SETD2: variants seen among roughly 807,000 people sequenced by gnomAD.
SETD2 encodes the protein histone-lysine N-methyltransferase SETD2.
In SETD2, 31 loss-of-function variants were observed where a neutral mutation model predicts 242.1. The ratio of observed to expected loss-of-function variants is 0.13; its 90% CI spans 0.10 to 0.17. SETD2 has a LOEUF of 0.17. SETD2 is among the 10% of genes least tolerant of loss of function. The pLI, the probability that SETD2 is intolerant of heterozygous loss-of-function variation, is 1.00. For missense variants in SETD2, 2,481 were observed against 3,046.3 expected (o/e 0.81, Z 4.37); for synonymous variants, 1,006 against 1,066.5 (o/e 0.94, Z 1.11).
intron 9 of SETD2, among the ~76,000 whole-genome samples, chr3:47,093,792 C>T (rs2041900332): frequency 6.6e-6 from 1 of 152,130 alleles, no homozygotes; most frequent in South Asian, 2.1e-4. Context: ...CCCTCACCAA[C>T]AGTGTATGAG....
chr3:47,019,896 G>A (rs931378363), intron 18 of SETD2, 56 bp from the exon 19 acceptor site: 1 of 1,411,308 alleles, frequency 7.1e-7, no homozygotes, highest in South Asian at 1.2e-5. Flanking sequence ...GTTTAGTGAT[G>A]CCCTACTGTC....
chr3:47,045,839 G>A (rs59137078), intron 16 of SETD2, among the ~76,000 whole-genome samples: 1 of 145,182 alleles, frequency 6.9e-6, no homozygotes, highest in Non-Finnish European at 1.5e-5. Context: ...GCAGTGGCGC[G>A]ATCTTAGCTC....
At chr3:47,033,652 A>ATTTTTTTTT (rs34978514) in intron 18 of SETD2, among the ~76,000 whole-genome samples, 1 of 90,858 alleles carries the variant, frequency 1.1e-5, no homozygotes. Flanking sequence ...TCATGGTTTG[A>ATTTTTTTTT]TTTTTTTTTT....
chr3:47,125,544 G>A (rs1181883792), intron 2 of SETD2, among the ~76,000 whole-genome samples: 2 of 152,106 alleles, frequency 1.3e-5, no homozygotes, highest in Non-Finnish European at 2.9e-5. Flanking sequence ...TGATACAGAG[G>A]AACTTCCCAC....
intron 9 of SETD2, among the ~76,000 whole-genome samples, chr3:47,097,173 T>C (rs1156701908): frequency 6.6e-6 from 1 of 152,188 alleles, no homozygotes; most frequent in African/African-American, 2.4e-5. Flanking sequence ...GGGAATTTGC[T>C]GACTAACACC....
intron 1 of SETD2, among the ~76,000 whole-genome samples, chr3:47,160,433 T>C (rs980865953): frequency 6.6e-6 from 1 of 151,880 alleles, no homozygotes; most frequent in East Asian, 1.9e-4. Flanking sequence ...CCCGAGTAGC[T>C]GGGATTACAG....
At chr3:47,103,949 C>T (rs576040327) in intron 6 of SETD2, among the ~76,000 whole-genome samples, 2 of 152,322 alleles carry the variant, frequency 1.3e-5, no homozygotes, top group Non-Finnish European at 2.9e-5. Flanking sequence ...ACATCCTAAT[C>T]TCACTGCATG....
intron 1 of SETD2, among the ~76,000 whole-genome samples, chr3:47,143,437 C>CACT (rs1265961653): frequency 2.6e-5 from 4 of 152,224 alleles, no homozygotes; most frequent in Non-Finnish European, 1.5e-5. Flanking sequence ...TAGGATAAGG[C>CACT]ACTACAGTGC....
chr3:47,017,576 T>TTC lies in SETD2; in HGVS notation c.7533+61_7533+62insGA. 1 of 1,191,908 alleles carries TTC rather than the reference T, an allele frequency of 8.4e-7. No individual in the cohort carries two copies. Among genetic ancestry groups the TTC allele is most frequent in the South Asian group, 1.2e-5 (1 of 80,974 alleles). The allele number at this position is 1,191,908 out of a possible 1,614,324, so 73.8% of individuals were successfully genotyped here. A position where few individuals can be genotyped will look rare whatever the true frequency, so the allele number is the denominator to read the frequency against. ...TACTTTCTATGATGAAAAGGGCTTC[T>TTC]TAGAAGGTACACAGTTTGCCCAGAA... On this transcript the variant is annotated intron_variant, in intron 20 of 20. Transcript: ENST00000409792. This position sits in a 1 kb window ranked among gnomAD's most constrained non-coding sequence, Gnocchi z 4.8.
intron 1 of SETD2, among the ~76,000 whole-genome samples, chr3:47,137,011 T>C (rs903365588): frequency 1.3e-5 from 2 of 152,060 alleles, no homozygotes; most frequent in Non-Finnish European, 2.9e-5. Context: ...ATGGGCACAC[T>C]AGAAGCCCAA....
At chr3:47,052,148 A>G (rs6772269) in intron 15 of SETD2, among the ~76,000 whole-genome samples, 11,338 of 152,056 alleles carry the variant, frequency 0.075, 1,424 homozygotes, top group African/African-American at 0.26. Flanking sequence ...GCTAAGGAAA[A>G]ACCTATACGA....
At chr3:47,090,050 C>T (rs1405491317) in intron 9 of SETD2, among the ~76,000 whole-genome samples, 2 of 152,124 alleles carry the variant, frequency 1.3e-5, no homozygotes, top group African/African-American at 4.8e-5. Context: ...GAGTTCAAGA[C>T]GAGCCTGGCC....
At chr3:47,109,903 T>C (rs986021219) in intron 5 of SETD2, among the ~76,000 whole-genome samples, 5 of 151,428 alleles carry the variant, frequency 3.3e-5, no homozygotes, top group African/African-American at 1.2e-4. Flanking sequence ...GGAGAATCAC[T>C]TGAACCCGGG....
intron 6 of SETD2, among the ~76,000 whole-genome samples, chr3:47,103,779 C>G (rs1340408460): frequency 6.6e-6 from 1 of 152,156 alleles, no homozygotes; most frequent in African/African-American, 2.4e-5. Flanking sequence ...CCCACTTTGC[C>G]CTTGCTTCAG....
At chr3:47,155,717 G>T (rs537889905) in intron 1 of SETD2, among the ~76,000 whole-genome samples, 1 of 152,100 alleles carries the variant, frequency 6.6e-6, no homozygotes, top group Non-Finnish European at 1.5e-5. Context: ...GAGGTGGGAG[G>T]ATCGCTTGAG....
intron 1 of SETD2, among the ~76,000 whole-genome samples, chr3:47,148,650 A>G (rs2043916655): frequency 6.6e-6 from 1 of 152,250 alleles, no homozygotes; most frequent in Admixed American, 6.5e-5. Context: ...ATCATTAATT[A>G]GGGTCTTAAA....
rs2107486411 is a variant in SETD2, at chr3:47,017,321, C to A, written c.7534-67G>T. On this transcript the variant is annotated intron_variant, in intron 20 of 20. Transcript: ENST00000409792. This position sits in a 1 kb window ranked among gnomAD's most constrained non-coding sequence, Gnocchi z 4.8. ...AGCAGAAATTATATGAGGGGGAGGA[C>A]AGGGGTGGTAATCCAGCCTGCTGCT... 1.3e-6 allele frequency: 2 copies of A among 1,559,394 alleles called. No homozygotes were observed. The highest frequency in any genetic ancestry group is 1.8e-6 in the Non-Finnish European group (2 of 1,140,016).
intron 5 of SETD2, among the ~76,000 whole-genome samples, chr3:47,112,779 G>A (rs2042710298): frequency 6.7e-6 from 1 of 149,026 alleles, no homozygotes; most frequent in Non-Finnish European, 1.5e-5. Context: ...TAGTAGAGAC[G>A]GGGTTTCGCC....
chr3:47,132,316 G>A (rs1294963034), intron 1 of SETD2, among the ~76,000 whole-genome samples: 1 of 151,838 alleles, frequency 6.6e-6, no homozygotes, highest in African/African-American at 2.4e-5. Flanking sequence ...TTGAGACAAA[G>A]TCTACTACAA....
Sources: allele counts gnomAD v4.1 joint callset (sites outside exome capture counted in the v4.1 genomes callset), GRCh38; gene constraint gnomAD v4.1.1; non-coding constraint Gnocchi (gnomAD v3.1); transcripts MANE v1.5; gene names NCBI Gene and HGNC (gene_info 2026-07-23, HGNC 2026-07-21).